LY75: variants seen among roughly 807,000 people sequenced by gnomAD.
LY75 encodes lymphocyte antigen 75, also known as C-type lectin domain family 13 member B.
Under a neutral mutation model 231.7 loss-of-function variants are expected in LY75, and 185 were observed. The ratio of observed to expected loss-of-function variants is 0.80; its 90% CI spans 0.71 to 0.90. LY75 has a LOEUF of 0.90. Ranked by LOEUF, LY75 falls within the 40% of genes least tolerant of loss-of-function variation. The pLI, the probability that LY75 is intolerant of heterozygous loss-of-function variation, is 0.00. For synonymous variants in LY75, 668 were observed against 689.0 expected (o/e 0.97, Z 0.48); for missense variants, 1,947 against 2,050.2 (o/e 0.95, Z 0.97).
At chr2:159,894,951 G>A (rs1287126588) in intron 2 of LY75, among the ~76,000 whole-genome samples, 4 of 152,156 alleles carry the variant, frequency 2.6e-5, no homozygotes, top group Non-Finnish European at 4.4e-5. Context: ...GTCACAATTT[G>A]CCAAAACCTC....
chr2:159,872,374 AG>A (rs1685040813), intron 13 of LY75, 76 bp downstream of exon 13: 1 of 1,530,922 alleles, frequency 6.5e-7, no homozygotes, highest in South Asian at 1.3e-5. Flanking sequence ...ACAGAGAGTG[AG>A]GGTAAGAACA....
At chr2:159,820,995 C>G (rs1025354661) in intron 28 of LY75, among the ~76,000 whole-genome samples, 1 of 152,070 alleles carries the variant, frequency 6.6e-6, no homozygotes, top group African/African-American at 2.4e-5. Context: ...CCCACCACCG[C>G]GGCTGGCTAA....
intron 31 of LY75, among the ~76,000 whole-genome samples, chr2:159,812,032 A>G (rs1549578): frequency 0.37 from 56,896 of 152,034 alleles, 11,401 homozygotes; most frequent in Admixed American, 0.51. Flanking sequence ...TATATTGCTG[A>G]TTACTCATTG....
chr2:159,861,355 G>A (rs926978311), intron 14 of LY75, among the ~76,000 whole-genome samples: 1 of 152,068 alleles, frequency 6.6e-6, no homozygotes, highest in African/African-American at 2.4e-5. Flanking sequence ...GAATAATTTT[G>A]CTCCTATAAC....
chr2:159,850,791 T>TATAAAA lies in LY75; in HGVS notation c.2884-325_2884-324insTTTTAT, dbSNP rs1553805728. 2.1e-4 allele frequency among the ~76,000 whole-genome samples: 20 copies of TATAAAA among 94,482 alleles called. 5 individuals carry two copies. The highest frequency in any genetic ancestry group is 3.2e-4 in the Non-Finnish European group (14 of 43,786). The allele number at this position is 94,482 out of a possible 152,430, so 62.0% of individuals were successfully genotyped here. A position where few individuals can be genotyped will look rare whatever the true frequency, so the allele number is the denominator to read the frequency against. On this transcript the variant is annotated intron_variant, in intron 21 of 34. Coordinates refer to ENST00000263636, the MANE Select transcript of LY75 (RefSeq NM_002349.4). ...AAACTTTCATATATATATATATATA[T>TATAAAA]ATATATATTATATCTTATATATAAG...
chr2:159,894,748 T>G (rs1396718263), intron 2 of LY75, among the ~76,000 whole-genome samples: 1 of 152,240 alleles, frequency 6.6e-6, no homozygotes, highest in Non-Finnish European at 1.5e-5. Context: ...GGCAGTCATG[T>G]GACCGGCGGG....
At chr2:159,899,276 G>T (rs963183296) in intron 1 of LY75, among the ~76,000 whole-genome samples, 9 of 152,130 alleles carry the variant, frequency 5.9e-5, no homozygotes, top group African/African-American at 2.2e-4. Context: ...AGTCCGCCTG[G>T]GTCCATATTT....
At chr2:159,823,945 G>A (rs1174594687) in intron 28 of LY75, among the ~76,000 whole-genome samples, 2 of 152,168 alleles carry the variant, frequency 1.3e-5, no homozygotes, top group East Asian at 3.9e-4. Flanking sequence ...AGCTCCTGAA[G>A]GAAGCACTAA....
At chr2:159,853,376 C>T in intron 19 of LY75, 24 bp from the exon 20 acceptor site, 5 of 1,611,202 alleles carry the variant, frequency 3.1e-6, no homozygotes, top group Non-Finnish European at 4.2e-6. Flanking sequence ...ACAGATTTGA[C>T]AACTCGTAAT....
intron 16 of LY75, among the ~76,000 whole-genome samples, chr2:159,855,707 G>T (rs969987813): frequency 6.6e-6 from 1 of 152,168 alleles, no homozygotes; most frequent in Non-Finnish European, 1.5e-5. Context: ...AAGGTCACGT[G>T]TGATGCCCTG....
At chr2:159,832,104 T>A (rs1003336670) in intron 27 of LY75, among the ~76,000 whole-genome samples, 1 of 152,174 alleles carries the variant, frequency 6.6e-6, no homozygotes, top group East Asian at 1.9e-4. Context: ...AATCCACCCA[T>A]AGTAATGATA....
intron 27 of LY75, among the ~76,000 whole-genome samples, chr2:159,832,228 G>A (rs1435942411): frequency 5.3e-5 from 8 of 152,084 alleles, no homozygotes; most frequent in East Asian, 1.9e-4. Flanking sequence ...GTTAGGAACC[G>A]GGCCTGTTAG....
intron 28 of LY75, among the ~76,000 whole-genome samples, chr2:159,821,435 GT>G (rs1167524772): frequency 1.3e-5 from 2 of 151,988 alleles, no homozygotes; most frequent in Non-Finnish European, 2.9e-5. Context: ...GACCAACATG[GT>G]AAAACCCCAT....
In LY75 at chr2:159,849,973, A is replaced by C; in HGVS notation, c.3150+7T>G. 1 of 1,607,846 alleles carries C rather than the reference A, an allele frequency of 6.2e-7. No individual in the cohort carries two copies. On this transcript the variant is annotated splice_region_variant and intron_variant, in intron 23 of 34. Transcript: ENST00000263636. ...TATGAAGAGTATTGGTTTTTAAAAA[A>C]ACTTACATTTTCTGGTATTCTCAGC...
chr2:159,878,120 T>C (rs2125873679), intron 11 of LY75, among the ~76,000 whole-genome samples: 1 of 152,354 alleles, frequency 6.6e-6, no homozygotes, highest in South Asian at 2.1e-4. Context: ...AACTAAGTTT[T>C]TGAATTTCTT....
At chr2:159,853,579 G>T in intron 19 of LY75, 51 bp downstream of exon 19, 1 of 1,609,912 alleles carries the variant, frequency 6.2e-7, no homozygotes, top group African/African-American at 1.3e-5. Context: ...AAAAGGAACT[G>T]CTTCTTTTAA....
chr2:159,899,113 C>A (rs1238005072), intron 1 of LY75, 54 bp from the exon 2 acceptor site: 6 of 1,569,396 alleles, frequency 3.8e-6, no homozygotes, highest in Non-Finnish European at 5.2e-6. Context: ...CGCCTTGCTC[C>A]CTGCCTGCTG....
chr2:159,869,145 G>A (rs940440089), intron 13 of LY75, among the ~76,000 whole-genome samples: 1 of 152,078 alleles, frequency 6.6e-6, no homozygotes, highest in Non-Finnish European at 1.5e-5. Flanking sequence ...ACCGGGACCT[G>A]TTGTGGGGCA....
chr2:159,838,456 G>T (rs2125845434), intron 25 of LY75, among the ~76,000 whole-genome samples: 1 of 152,212 alleles, frequency 6.6e-6, no homozygotes, highest in African/African-American at 2.4e-5. Context: ...GGTACACATA[G>T]AAAAATAACT....
Sources: gnomAD v4.1 joint callset for allele counts (sites outside exome capture counted in the v4.1 genomes callset) on GRCh38, gnomAD v4.1.1 for gene constraint, MANE v1.5 for transcripts, NCBI Gene and HGNC (gene_info 2026-07-23, HGNC 2026-07-21) for gene names.